The following UBE2E3 variants were observed in gnomAD, a reference collection of about 807,000 sequenced individuals.
UBE2E3 encodes the protein ubiquitin conjugating enzyme E2 E3.
A neutral mutation model predicts 23.6 loss-of-function variants in UBE2E3; 5 were observed. The observed-to-expected ratio is 0.21, with a 90% CI of 0.11 to 0.44. The LOEUF (loss-of-function observed/expected upper bound fraction) is 0.44. Among genes scored for constraint, UBE2E3 ranks in the 20% least tolerant of loss-of-function variants. UBE2E3 has a pLI of 0.99. For missense variants in UBE2E3, 81 were observed against 249.8 expected, an observed-to-expected ratio of 0.32 and a Z score of 4.55; for synonymous variants, 78 against 87.5, an observed-to-expected ratio of 0.89 and a Z score of 0.60.
chr2:181,008,647 G>C (rs945165476), intron 3 of UBE2E3, among the ~76,000 whole-genome samples: 1 of 152,194 alleles, frequency 6.6e-6, no homozygotes, highest in Non-Finnish European at 1.5e-5. Context: ...AGGCCTGGCT[G>C]TGGCGGAGTC....
intron 3 of UBE2E3, among the ~76,000 whole-genome samples, chr2:180,993,521 G>A (rs1354637451): frequency 6.6e-6 from 1 of 152,072 alleles, no homozygotes; most frequent in African/African-American, 2.4e-5. Flanking sequence ...TGAATGAAAG[G>A]CCTAGGGAAA....
In UBE2E3 at chr2:181,012,838, A is replaced by T. The variant is rs1459788276; in HGVS notation, c.245+28745A>T. Among the ~76,000 whole-genome samples the T allele has an allele frequency of 6.6e-5, 10 of 152,294 alleles. No individual in the cohort carries two copies. The East Asian group carries it at 1.9e-3, about 29-fold the overall frequency. ...CATGTATAGGCATGAATTTAGAGAT[A>T]CTAACAAGTATTGGTATTTCTCATA... On this transcript the variant is annotated intron_variant, in intron 3 of 5. Coordinates refer to ENST00000410062, the MANE Select transcript of UBE2E3 (RefSeq NM_006357.4).
At chr2:181,013,035 C>T (rs1029639316) in intron 3 of UBE2E3, among the ~76,000 whole-genome samples, 4 of 152,132 alleles carry the variant, frequency 2.6e-5, no homozygotes, top group Admixed American at 2.0e-4. Context: ...TTATGTTTCT[C>T]AGGCTGGCCT....
intron 3 of UBE2E3, among the ~76,000 whole-genome samples, chr2:181,023,174 A>G (rs956307000): frequency 6.6e-6 from 1 of 152,232 alleles, no homozygotes; most frequent in Non-Finnish European, 1.5e-5. Context: ...ATCATTAAGT[A>G]GAAACATCAG....
chr2:180,999,301 C>A (rs1379731630), intron 3 of UBE2E3, among the ~76,000 whole-genome samples: 1 of 152,108 alleles, frequency 6.6e-6, no homozygotes, highest in East Asian at 1.9e-4. Context: ...TACCACAATA[C>A]CAAAAAAAGC....
intron 3 of UBE2E3, among the ~76,000 whole-genome samples, chr2:181,022,381 G>A (rs1574191935): frequency 1.3e-5 from 2 of 151,512 alleles, no homozygotes; most frequent in Admixed American, 6.6e-5. Context: ...CCGAATTAGC[G>A]AATACTGAAC....
intron 3 of UBE2E3, among the ~76,000 whole-genome samples, chr2:181,026,087 T>C (rs1320673282): frequency 6.6e-6 from 1 of 151,924 alleles, no homozygotes; most frequent in Non-Finnish European, 1.5e-5. Flanking sequence ...TTGGGGAGGC[T>C]TTTGCGTAGA....
At chr2:181,057,648 A>G in intron 3 of UBE2E3, 45 bp from the exon 4 acceptor site, 1 of 1,493,046 alleles carries the variant, frequency 6.7e-7, no homozygotes, top group Non-Finnish European at 9.2e-7. Context: ...ATTAACATTC[A>G]TTGCTAATAT....
At chr2:181,056,696 A>C (rs1686998395) in intron 3 of UBE2E3, among the ~76,000 whole-genome samples, 1 of 151,808 alleles carries the variant, frequency 6.6e-6, no homozygotes, top group African/African-American at 2.4e-5. Context: ...GACAGATCAA[A>C]CCATAGCAAT....
intron 3 of UBE2E3, among the ~76,000 whole-genome samples, chr2:181,039,123 C>CTTTTTTTT (rs11289425): frequency 4.5e-5 from 3 of 66,258 alleles, no homozygotes; most frequent in Admixed American, 1.9e-4. Flanking sequence ...AGAATGTGAC[C>CTTTTTTTT]TTTTTTTTTT....
At chr2:181,028,205 A>C (rs1241054898) in intron 3 of UBE2E3, among the ~76,000 whole-genome samples, 2 of 152,158 alleles carry the variant, frequency 1.3e-5, no homozygotes, top group East Asian at 3.8e-4. Context: ...TTTTCTCTTA[A>C]ATCTTGTTTT....
chr2:180,984,004 A>T lies in UBE2E3; in HGVS notation c.195-39A>T, dbSNP rs190349081. 5.5e-5 allele frequency: 86 copies of T among 1,563,648 alleles called. 1 individual carries two copies. In the Admixed American group the frequency reaches 7.4e-4, roughly 13 times the overall value. ...TAATTCCCTGGTTATTCTGTAGACTATATCAAATCCTTTTTGTCTCTTCTC... is the reference window on the plus strand; with the variant it reads ...TAATTCCCTGGTTATTCTGTAGACTTTATCAAATCCTTTTTGTCTCTTCTC... On this transcript the variant is annotated intron_variant, in intron 2 of 5. Coordinates refer to ENST00000410062, the MANE Select transcript of UBE2E3 (RefSeq NM_006357.4).
intron 3 of UBE2E3, among the ~76,000 whole-genome samples, chr2:181,035,314 AC>A (rs1361869197): frequency 6.6e-6 from 1 of 152,154 alleles, no homozygotes; most frequent in Non-Finnish European, 1.5e-5. Flanking sequence ...TTGCAGTAGT[AC>A]TGTCAGCTGC....
intron 3 of UBE2E3, among the ~76,000 whole-genome samples, chr2:181,020,079 T>C (rs1246452618): frequency 6.6e-6 from 1 of 152,182 alleles, no homozygotes; most frequent in East Asian, 1.9e-4. Flanking sequence ...TTATCTGTTT[T>C]TGTGGGAAGG....
intron 1 of UBE2E3, chr2:180,981,473 A>G (rs1216608676): frequency 6.6e-6 from 1 of 152,220 alleles, no homozygotes; most frequent in Non-Finnish European, 1.5e-5. Flanking sequence ...CAGCTAGAGC[A>G]GCTCGTTAGT....
chr2:181,036,898 G>A (rs749384538), intron 3 of UBE2E3, among the ~76,000 whole-genome samples: 7 of 152,124 alleles, frequency 4.6e-5, no homozygotes, highest in Non-Finnish European at 8.8e-5. Context: ...TGGTTAAATT[G>A]GTTTCAGTAT....
intron 3 of UBE2E3, among the ~76,000 whole-genome samples, chr2:180,994,561 G>A (rs1684771030): frequency 6.6e-6 from 1 of 152,164 alleles, no homozygotes; most frequent in African/African-American, 2.4e-5. Flanking sequence ...TCATTGTTTA[G>A]GTTTACAAAT....
At chr2:181,054,044 G>A (rs938960482) in intron 3 of UBE2E3, among the ~76,000 whole-genome samples, 13 of 151,646 alleles carry the variant, frequency 8.6e-5, no homozygotes, top group African/African-American at 2.9e-4. Flanking sequence ...TTTTAGCACC[G>A]AATAATATTT....
intron 3 of UBE2E3, among the ~76,000 whole-genome samples, chr2:181,055,256 T>C (rs1490802826): frequency 6.6e-6 from 1 of 151,642 alleles, no homozygotes; most frequent in Non-Finnish European, 1.5e-5. Flanking sequence ...TTTTAAAAAA[T>C]AATAATAAAG....
Sources: allele counts gnomAD v4.1 joint callset (sites outside exome capture counted in the v4.1 genomes callset), GRCh38; gene constraint gnomAD v4.1.1; transcripts MANE v1.5; gene names NCBI Gene and HGNC (gene_info 2026-07-23, HGNC 2026-07-21).